The following NKAIN2 variants were observed in gnomAD, a reference collection of about 807,000 sequenced individuals.
The protein encoded by NKAIN2 is sodium/potassium-transporting ATPase subunit beta-1-interacting protein 2.
NKAIN2 carries 14 observed loss-of-function variants against 32.6 expected under a neutral mutation model. That is an observed-to-expected ratio of 0.43 (90% CI 0.28 to 0.67). The LOEUF (loss-of-function observed/expected upper bound fraction) is 0.67, where lower values mean the gene tolerates loss of function less well. Ranked by LOEUF, NKAIN2 falls within the 30% of genes least tolerant of loss-of-function variation. The probability of loss-of-function intolerance (pLI) is 0.17; values close to 1 mark genes in which losing one functional copy is unlikely to be tolerated. For missense variants in NKAIN2, 198 were observed against 258.3 expected, an observed-to-expected ratio of 0.77 and a Z score of 1.60; for synonymous variants, 80 against 87.2, an observed-to-expected ratio of 0.92 and a Z score of 0.46.
At chr6:124,249,143 C>A (rs1422962216) in intron 1 of NKAIN2, among the ~76,000 whole-genome samples, 1 of 152,092 alleles carries the variant, frequency 6.6e-6, no homozygotes, top group Non-Finnish European at 1.5e-5. Context: ...CAATTTGCTG[C>A]AATTTGTGAG....
intron 1 of NKAIN2, among the ~76,000 whole-genome samples, chr6:124,102,856 C>A (rs1345266222): frequency 6.6e-6 from 1 of 152,002 alleles, no homozygotes; most frequent in Non-Finnish European, 1.5e-5. Flanking sequence ...GTAAGGGGGG[C>A]AATCTGTTGC....
chr6:124,652,040 C>A (rs1784387142), intron 3 of NKAIN2, among the ~76,000 whole-genome samples: 1 of 152,074 alleles, frequency 6.6e-6, no homozygotes, highest in Non-Finnish European at 1.5e-5. Flanking sequence ...TAATTTATTT[C>A]TTCTTGGATT....
At chr6:123,913,194 C>A (rs977733597) in intron 1 of NKAIN2, among the ~76,000 whole-genome samples, 17 of 151,816 alleles carry the variant, frequency 1.1e-4, no homozygotes, top group Non-Finnish European at 2.2e-4. Context: ...TCCTAACATG[C>A]CAAGAGTGAT....
chr6:124,136,629 C>T (rs1263472390), intron 1 of NKAIN2, among the ~76,000 whole-genome samples: 1 of 152,006 alleles, frequency 6.6e-6, no homozygotes, highest in Non-Finnish European at 1.5e-5. Flanking sequence ...CTAACGAAAC[C>T]CAACAGCGTC....
At chr6:123,890,890 A>G (rs772635165) in intron 1 of NKAIN2, among the ~76,000 whole-genome samples, 3 of 152,178 alleles carry the variant, frequency 2.0e-5, no homozygotes, top group Non-Finnish European at 4.4e-5. Flanking sequence ...ACCAATGTTC[A>G]TAGTAGGTAA....
At chr6:124,511,746 G>A (rs1477327557) in intron 3 of NKAIN2, among the ~76,000 whole-genome samples, 3 of 152,002 alleles carry the variant, frequency 2.0e-5, no homozygotes, top group Non-Finnish European at 4.4e-5. Flanking sequence ...AAATATTTGG[G>A]GTGACTAAGG....
intron 3 of NKAIN2, among the ~76,000 whole-genome samples, chr6:124,361,531 T>C (rs2114277439): frequency 6.6e-6 from 1 of 152,168 alleles, no homozygotes; most frequent in African/African-American, 2.4e-5. Flanking sequence ...GGTATATCTC[T>C]CTCAGATTTC....
At chr6:123,884,962 A>G (rs1391860488) in intron 1 of NKAIN2, among the ~76,000 whole-genome samples, 7 of 152,144 alleles carry the variant, frequency 4.6e-5, no homozygotes, top group African/African-American at 1.2e-4. Flanking sequence ...CTATATGCCT[A>G]TTAGAGTTCT....
chr6:124,109,091 T>C (rs757217528), intron 1 of NKAIN2, among the ~76,000 whole-genome samples: 1 of 152,008 alleles, frequency 6.6e-6, no homozygotes, highest in Non-Finnish European at 1.5e-5. Context: ...TTTCTGTAAA[T>C]TATGCCATTG....
intron 1 of NKAIN2, among the ~76,000 whole-genome samples, chr6:123,833,515 G>T (rs896261243): frequency 2.6e-5 from 4 of 152,060 alleles, no homozygotes; most frequent in Non-Finnish European, 4.4e-5. Context: ...ATCAAGTTGG[G>T]AAAACCTGAC....
intron 4 of NKAIN2, among the ~76,000 whole-genome samples, chr6:124,703,733 G>A (rs547238894): frequency 5.3e-5 from 8 of 152,036 alleles, no homozygotes; most frequent in African/African-American, 1.9e-4. Context: ...ATATCTGTTA[G>A]GAAATAAACA....
Position 123,852,484 on chromosome 6 carries a change from G to A in NKAIN2, c.54+48230G>A, listed in dbSNP as rs150165003. On this transcript the variant is annotated intron_variant, in intron 1 of 6. Transcript: ENST00000368417. Reference sequence around the variant, plus strand: ...CTGTTTTACTCTCTAACTACTACATGATCCAGCAATCCCCTTAACTGAGTA... The same window carrying A: ...CTGTTTTACTCTCTAACTACTACATAATCCAGCAATCCCCTTAACTGAGTA... Among the ~76,000 whole-genome samples, 212 of 152,144 alleles carry A rather than the reference G, an allele frequency of 1.4e-3. 1 individual carries two copies. The highest frequency in any genetic ancestry group is 4.8e-3 in the African/African-American group (201 of 41,506).
At chr6:124,605,977 A>G (rs1782482753) in intron 3 of NKAIN2, among the ~76,000 whole-genome samples, 1 of 152,052 alleles carries the variant, frequency 6.6e-6, no homozygotes, top group Non-Finnish European at 1.5e-5. Flanking sequence ...TAAAGTTGAC[A>G]TATTTTCCTC....
intron 3 of NKAIN2, among the ~76,000 whole-genome samples, chr6:124,363,316 C>T (rs1460323578): frequency 2.0e-5 from 3 of 152,100 alleles, no homozygotes; most frequent in Non-Finnish European, 4.4e-5. Context: ...AAGCTATATT[C>T]GAAAAAGATG....
intron 1 of NKAIN2, among the ~76,000 whole-genome samples, chr6:123,997,665 G>A (rs1186618103): frequency 7.6e-5 from 11 of 144,570 alleles, no homozygotes; most frequent in East Asian, 6.2e-4. Flanking sequence ...GTGCAGTGGC[G>A]TGATCTTGGC....
In NKAIN2 at chr6:123,910,554, A is replaced by G. The variant is rs1037576411; in HGVS notation, c.54+106300A>G. On this transcript the variant is annotated intron_variant, in intron 1 of 6. Transcript: ENST00000368417. Reference sequence around the variant, plus strand: ...GGGTCTCGCTCTTTCACCAGGCTGGAGTATAGTGGCTCAATCTCAGCTCAT... The same window carrying G: ...GGGTCTCGCTCTTTCACCAGGCTGGGGTATAGTGGCTCAATCTCAGCTCAT... Among the ~76,000 whole-genome samples, 3 of 116,488 alleles carry G rather than the reference A, an allele frequency of 2.6e-5. No homozygotes were observed. The East Asian group carries it at 8.0e-4, about 31-fold the overall frequency. The allele number at this position is 116,488 out of a possible 152,430, so 76.4% of individuals were successfully genotyped here.
Position 124,290,510 on chromosome 6 carries a change from A to ATGTGTGTG in NKAIN2, c.192+7403_192+7410dup, listed in dbSNP as rs56389666. ...TAGTTCTTCTGGGGTTACCTCAGAA[A>ATGTGTGTG]TGTGTGTGTGTGTGTGTGTGTGTGT... On this transcript the variant is annotated intron_variant, in intron 2 of 6. Coordinates refer to ENST00000368417, the MANE Select transcript of NKAIN2 (RefSeq NM_001040214.3). Among the ~76,000 whole-genome samples the ATGTGTGTG allele has an allele frequency of 7.0e-3, 967 of 137,846 alleles. 11 individuals carry two copies. Among genetic ancestry groups the ATGTGTGTG allele is most frequent in the African/African-American group, 0.021 (783 of 37,264 alleles). The allele number at this position is 137,846 out of a possible 152,430, so 90.4% of individuals were successfully genotyped here.
At chr6:124,041,282 T>A (rs1000118347) in intron 1 of NKAIN2, among the ~76,000 whole-genome samples, 1 of 152,040 alleles carries the variant, frequency 6.6e-6, no homozygotes, top group Non-Finnish European at 1.5e-5. Context: ...CATCATCTCA[T>A]ACAATTGTGA....
chr6:124,490,418 T>TG, intron 3 of NKAIN2: 3 of 413,304 alleles, frequency 7.3e-6, no homozygotes, highest in East Asian at 7.1e-5. Flanking sequence ...AGAGGTTTTT[T>TG]TTTTTTTTTT....
Sources: gnomAD v4.1 joint callset for allele counts (sites outside exome capture counted in the v4.1 genomes callset) on GRCh38, gnomAD v4.1.1 for gene constraint, MANE v1.5 for transcripts, NCBI Gene and HGNC (gene_info 2026-07-23, HGNC 2026-07-21) for gene names.